The following KIAA1217 variants were observed in gnomAD, a reference collection of about 807,000 sequenced individuals.
The protein encoded by KIAA1217 is KIAA1217.
A neutral mutation model predicts 163.9 loss-of-function variants in KIAA1217; 88 were observed. That is an observed-to-expected ratio of 0.54 (90% CI 0.45 to 0.64). The LOEUF (loss-of-function observed/expected upper bound fraction) is 0.64, where lower values mean the gene tolerates loss of function less well. KIAA1217 is among the 30% of genes least tolerant of loss of function. The probability of loss-of-function intolerance (pLI) is 0.00; values close to 1 mark genes in which losing one functional copy is unlikely to be tolerated. For missense variants in KIAA1217, 2,372 were observed against 2,475.0 expected, an observed-to-expected ratio of 0.96 and a Z score of 0.88; for synonymous variants, 903 against 923.1, an observed-to-expected ratio of 0.98 and a Z score of 0.39.
chr10:23,841,827 CTTTATTTTAT>C (rs376133012), intron 1 of KIAA1217, among the ~76,000 whole-genome samples: 27,765 of 133,298 alleles, frequency 0.21, 3,163 homozygotes, highest in Middle Eastern at 0.27. Flanking sequence ...ACCATTGGGA[CTTTATTTTAT>C]TTTATTTTAT....
At chr10:24,152,313 C>CT (rs1316717100) in intron 2 of KIAA1217, among the ~76,000 whole-genome samples, 1 of 152,168 alleles carries the variant, frequency 6.6e-6, no homozygotes, top group African/African-American at 2.4e-5. Context: ...ATAAAATATT[C>CT]TTATTGTAGT....
chr10:24,027,056 G>A (rs984618819), intron 2 of KIAA1217, among the ~76,000 whole-genome samples: 5 of 151,852 alleles, frequency 3.3e-5, no homozygotes, highest in African/African-American at 1.2e-4. Context: ...AATATTTGGG[G>A]CTTTAAAAAA....
intron 2 of KIAA1217, among the ~76,000 whole-genome samples, chr10:24,007,775 C>T (rs1314057595): frequency 2.0e-5 from 3 of 152,098 alleles, no homozygotes; most frequent in Non-Finnish European, 4.4e-5. Flanking sequence ...CTGATGACTG[C>T]CTGTGTCTAT....
chr10:23,718,191 T>A (rs972681836), intron 1 of KIAA1217, among the ~76,000 whole-genome samples: 1 of 152,176 alleles, frequency 6.6e-6, no homozygotes, highest in Non-Finnish European at 1.5e-5. Flanking sequence ...TATGTGAATT[T>A]CCTCTCTTTT....
chr10:24,163,739 A>G (rs2065223174), intron 2 of KIAA1217, among the ~76,000 whole-genome samples: 1 of 152,174 alleles, frequency 6.6e-6, no homozygotes, highest in African/African-American at 2.4e-5. Context: ...TCATTCTCCC[A>G]TTACCTAGTG....
intron 2 of KIAA1217, among the ~76,000 whole-genome samples, chr10:24,068,955 C>G (rs752869462): frequency 1.0e-3 from 159 of 152,324 alleles, no homozygotes; most frequent in Non-Finnish European, 1.6e-3. Flanking sequence ...TTATCTAGGT[C>G]CCATCAGCAT....
chr10:24,002,878 A>C (rs746677024), intron 1 of KIAA1217, among the ~76,000 whole-genome samples: 10 of 152,098 alleles, frequency 6.6e-5, no homozygotes, highest in Non-Finnish European at 1.3e-4. Flanking sequence ...TTTAGCTCCG[A>C]AGTTATAAGT....
At chr10:24,110,936 T>A (rs1212907844) in intron 2 of KIAA1217, among the ~76,000 whole-genome samples, 1 of 152,372 alleles carries the variant, frequency 6.6e-6, no homozygotes, top group East Asian at 1.9e-4. Flanking sequence ...CGACATATTT[T>A]TAGTAATTTT....
At chr10:24,231,829 G>A (rs1360923221) in intron 2 of KIAA1217, among the ~76,000 whole-genome samples, 4 of 148,958 alleles carry the variant, frequency 2.7e-5, no homozygotes, top group East Asian at 3.9e-4. Flanking sequence ...GATGGAGTCC[G>A]GCTCTCTCAC....
At chr10:23,963,673 T>A (rs1440739575) in intron 1 of KIAA1217, among the ~76,000 whole-genome samples, 1 of 152,188 alleles carries the variant, frequency 6.6e-6, no homozygotes, top group Non-Finnish European at 1.5e-5. Flanking sequence ...TGGTTCTAGA[T>A]CCTTGAGGAA....
At chr10:23,979,456 C>T (rs564627010) in intron 1 of KIAA1217, among the ~76,000 whole-genome samples, 1 of 152,278 alleles carries the variant, frequency 6.6e-6, no homozygotes, top group African/African-American at 2.4e-5. Context: ...TAATTTCTTC[C>T]TCTTCATGTC....
intron 2 of KIAA1217, among the ~76,000 whole-genome samples, chr10:24,177,281 A>G (rs1473174161): frequency 9.2e-6 from 1 of 109,262 alleles, no homozygotes; most frequent in Non-Finnish European, 1.9e-5. Flanking sequence ...ATATATATAT[A>G]TATATATATA....
rs182551829 is a variant in KIAA1217 at position 24,387,195 on chromosome 10, G to C, written c.553+6128G>C. ...ACTGAATCCAGCAGCACATCAAAAG[G>C]CTTATCCACCAAAATCAAGTTGGCT... On this transcript the variant is annotated intron_variant, in intron 3 of 20. Coordinates refer to ENST00000376454, the MANE Select transcript of KIAA1217 (RefSeq NM_019590.5). 1.4e-3 allele frequency among the ~76,000 whole-genome samples: 208 copies of C among 152,290 alleles called. 1 individual carries two copies. Among genetic ancestry groups the C allele is most frequent in the South Asian group, 2.1e-3 (10 of 4,830 alleles).
At chr10:24,288,974 C>T (rs2078834890) in intron 2 of KIAA1217, among the ~76,000 whole-genome samples, 1 of 152,178 alleles carries the variant, frequency 6.6e-6, no homozygotes. Context: ...AGATGCCCTG[C>T]AATTTATACA....
In KIAA1217 at chr10:24,415,071, G is replaced by A. The variant is rs1591740943; in HGVS notation, c.554-17924G>A. Among the ~76,000 whole-genome samples, 3 of 151,588 alleles carry A rather than the reference G, an allele frequency of 2.0e-5. No homozygotes were observed. In the East Asian group the frequency reaches 5.8e-4, roughly 29 times the overall value. On this transcript the variant is annotated intron_variant, in intron 3 of 20. Coordinates refer to ENST00000376454, the MANE Select transcript of KIAA1217 (RefSeq NM_019590.5). Reference sequence around the variant, plus strand: ...TCTTAAAGTCCCTGCATGGTTGGAGGCCCGGCAGTCTGGAGCAGCATGGTA... The same window carrying A: ...TCTTAAAGTCCCTGCATGGTTGGAGACCCGGCAGTCTGGAGCAGCATGGTA...
intron 10 of KIAA1217, among the ~76,000 whole-genome samples, chr10:24,516,314 T>TC (rs1469424704): frequency 1.3e-5 from 2 of 152,192 alleles, no homozygotes; most frequent in Non-Finnish European, 1.5e-5. Context: ...GGAGTGTCAT[T>TC]CCCATTTGCA....
chr10:23,760,311 C>A (rs1033299763), intron 1 of KIAA1217, among the ~76,000 whole-genome samples: 1 of 152,198 alleles, frequency 6.6e-6, no homozygotes, highest in Non-Finnish European at 1.5e-5. Context: ...TGCATGCATG[C>A]AGCAGATAGA....
At chr10:24,411,212 A>G (rs2057742914) in intron 3 of KIAA1217, among the ~76,000 whole-genome samples, 2 of 152,144 alleles carry the variant, frequency 1.3e-5, no homozygotes, top group African/African-American at 4.8e-5. Context: ...TCAGTTGGAC[A>G]GGTTTTTTTT....
intron 17 of KIAA1217, among the ~76,000 whole-genome samples, chr10:24,539,374 G>T (rs890633395): frequency 6.6e-6 from 1 of 151,904 alleles, no homozygotes; most frequent in East Asian, 1.9e-4. Context: ...GACTACAGGC[G>T]TGCACCACCA....
Sources: gnomAD v4.1 joint callset for allele counts (sites outside exome capture counted in the v4.1 genomes callset) on GRCh38, gnomAD v4.1.1 for gene constraint, MANE v1.5 for transcripts, NCBI Gene and HGNC (gene_info 2026-07-23, HGNC 2026-07-21) for gene names.